The following MARCHF11 variants were observed in gnomAD, a reference collection of about 807,000 sequenced individuals.
MARCHF11 encodes membrane associated ring-CH-type finger 11, also known as E3 ubiquitin-protein ligase MARCHF11.
MARCHF11 carries 29 observed loss-of-function variants against 37.3 expected under a neutral mutation model. That is an observed-to-expected ratio of 0.78 (90% CI 0.58 to 1.06). The LOEUF (loss-of-function observed/expected upper bound fraction) is 1.06. MARCHF11 is among the 50% of genes least tolerant of loss of function. MARCHF11 has a pLI of 0.00. For synonymous variants in MARCHF11, 233 were observed against 228.0 expected (o/e 1.02, Z -0.20); for missense variants, 482 against 533.4 (o/e 0.90, Z 0.95).
In MARCHF11 at chr5:16,067,742, C is replaced by T. The variant is rs1488229935; in HGVS notation, c.938G>A (p.Arg313Gln). ...AAVYRVFKRWRAVNLHWDVLN... is the reference protein window; with the variant it reads ...AAVYRVFKRWQAVNLHWDVLN... ...CACATCCCAGTGCAAATTCACAGCTCGCCAGCGCTTAAACACTCTGTAAAC... is the reference window on the plus strand; with the variant it reads ...CACATCCCAGTGCAAATTCACAGCTTGCCAGCGCTTAAACACTCTGTAAAC... Residue 313 changes from arginine (R) to glutamine (Q), a missense_variant, in exon 4 of 4, where the codon CGA becomes CAA. By Grantham distance (43) the Arg-to-Gln change is conservative. Transcript: ENST00000332432. The T allele has an allele frequency of 7.4e-6, 12 of 1,613,676 alleles. No homozygotes were observed. The highest frequency in any genetic ancestry group is 1.3e-5 in the African/African-American group (1 of 74,886).
intron 2 of MARCHF11, among the ~76,000 whole-genome samples, chr5:16,131,388 C>T (rs1479447985): frequency 6.6e-6 from 1 of 152,120 alleles, no homozygotes; most frequent in Non-Finnish European, 1.5e-5. Flanking sequence ...ATTATGGAAA[C>T]ATATTCAATC....
At chr5:16,151,186 C>T (rs1737880983) in intron 2 of MARCHF11, among the ~76,000 whole-genome samples, 1 of 151,990 alleles carries the variant, frequency 6.6e-6, no homozygotes, top group Non-Finnish European at 1.5e-5. Context: ...TGTGAAAAAT[C>T]TTTCCAAGTC....
intron 2 of MARCHF11, among the ~76,000 whole-genome samples, chr5:16,106,175 T>G (rs1388241490): frequency 6.6e-6 from 1 of 152,032 alleles, no homozygotes; most frequent in African/African-American, 2.4e-5. Flanking sequence ...AAGTCTGACA[T>G]GAGACCTTCC....
chr5:16,148,132 A>T (rs1468297691), intron 2 of MARCHF11, among the ~76,000 whole-genome samples: 1 of 152,112 alleles, frequency 6.6e-6, no homozygotes, highest in Non-Finnish European at 1.5e-5. Flanking sequence ...GCAATCTATA[A>T]CTTTCAACAG....
chr5:16,177,576 C>T (rs1023848855), intron 2 of MARCHF11, 150 bp downstream of exon 2: 1 of 546,118 alleles, frequency 1.8e-6, no homozygotes, highest in Non-Finnish European at 2.9e-6. Flanking sequence ...CTCAAAAACA[C>T]ATGTTTACAA....
At chr5:16,159,489 A>AATTC (rs909923804) in intron 2 of MARCHF11, among the ~76,000 whole-genome samples, 7 of 152,126 alleles carry the variant, frequency 4.6e-5, no homozygotes, top group African/African-American at 1.4e-4. Context: ...TTCTCTGTGC[A>AATTC]TCAAACCAAG....
chr5:16,119,566 CA>C (rs1203892620), intron 2 of MARCHF11, among the ~76,000 whole-genome samples: 1 of 151,760 alleles, frequency 6.6e-6, no homozygotes, highest in Non-Finnish European at 1.5e-5. Flanking sequence ...ACATGCTCCA[CA>C]AGGGATCTTT....
At chr5:16,099,948 G>A (rs1006419304) in intron 2 of MARCHF11, among the ~76,000 whole-genome samples, 4 of 152,246 alleles carry the variant, frequency 2.6e-5, no homozygotes, top group African/African-American at 2.4e-5. Context: ...GTTATTGTAT[G>A]GAATTTAGAA....
At chr5:16,096,110 C>A (rs1736863605) in intron 2 of MARCHF11, among the ~76,000 whole-genome samples, 1 of 152,158 alleles carries the variant, frequency 6.6e-6, no homozygotes, top group Non-Finnish European at 1.5e-5. Flanking sequence ...TCTCTGCTCT[C>A]ACTCCTTAAT....
At chr5:16,099,971 T>C (rs1483885082) in intron 2 of MARCHF11, among the ~76,000 whole-genome samples, 1 of 152,148 alleles carries the variant, frequency 6.6e-6, no homozygotes, top group Admixed American at 6.5e-5. Context: ...TCAATAAAAA[T>C]TCTCTTCCAG....
rs369822346 is a variant in MARCHF11 at position 16,154,604 on chromosome 5, AG to A, written c.693+23121del. ...CCAAGCTGCCACCTCCCAAAAAGGG[AG>A]GGGGGGGAGGAAACTTTGTAATGAT... is the stretch of plus-strand genomic sequence containing the variant. On this transcript the variant is annotated intron_variant, in intron 2 of 3. Transcript: ENST00000332432. Among the ~76,000 whole-genome samples, 143 of 151,246 alleles carry A rather than the reference AG, an allele frequency of 9.5e-4. No homozygotes were observed. The South Asian group carries it at 0.028, about 29-fold the overall frequency.
chr5:16,101,962 A>T (rs1736965471), intron 2 of MARCHF11, among the ~76,000 whole-genome samples: 1 of 152,238 alleles, frequency 6.6e-6, no homozygotes. Flanking sequence ...GGCTTCTCTT[A>T]GCTACAGGGA....
At chr5:16,139,223 G>A (rs956254730) in intron 2 of MARCHF11, among the ~76,000 whole-genome samples, 3 of 152,112 alleles carry the variant, frequency 2.0e-5, no homozygotes, top group African/African-American at 4.8e-5. Flanking sequence ...AATCATGGGG[G>A]TGGGTTTTTC....
chr5:16,119,259 A>T (rs1249233003), intron 2 of MARCHF11, among the ~76,000 whole-genome samples: 2 of 152,012 alleles, frequency 1.3e-5, no homozygotes, highest in African/African-American at 4.8e-5. Context: ...CCTGCTCGGG[A>T]GGCTGAGGCA....
intron 2 of MARCHF11, among the ~76,000 whole-genome samples, chr5:16,095,794 G>A (rs1736858563): frequency 6.6e-6 from 1 of 152,052 alleles, no homozygotes; most frequent in Admixed American, 6.6e-5. Flanking sequence ...TCAAATCCCA[G>A]ATAGCCGTGT....
intron 1 of MARCHF11, among the ~76,000 whole-genome samples, chr5:16,178,244 T>C (rs1298879342): frequency 6.6e-6 from 1 of 152,244 alleles, no homozygotes; most frequent in East Asian, 1.9e-4. Context: ...AAGAAACGCA[T>C]GGCATCCCAG....
At chr5:16,093,184 GAA>G (rs1736813466) in intron 2 of MARCHF11, among the ~76,000 whole-genome samples, 1 of 152,118 alleles carries the variant, frequency 6.6e-6, no homozygotes, top group South Asian at 2.1e-4. Context: ...CCGCATGTTC[GAA>G]ATGTGTATGC....
intron 2 of MARCHF11, among the ~76,000 whole-genome samples, chr5:16,131,986 C>T (rs1055687678): frequency 6.6e-6 from 1 of 152,166 alleles, no homozygotes; most frequent in Non-Finnish European, 1.5e-5. Context: ...GTGAAGAAGC[C>T]ACTGACTGCA....
At chr5:16,173,690 C>G (rs1184130159) in intron 2 of MARCHF11, among the ~76,000 whole-genome samples, 1 of 152,136 alleles carries the variant, frequency 6.6e-6, no homozygotes, top group Non-Finnish European at 1.5e-5. Context: ...ACTTTGGTGA[C>G]ACAATGAGAA....
Sources: gnomAD v4.1 joint callset for allele counts (sites outside exome capture counted in the v4.1 genomes callset) on GRCh38, gnomAD v4.1.1 for gene constraint, MANE v1.5 for transcripts, NCBI Gene and HGNC (gene_info 2026-07-23, HGNC 2026-07-21) for gene names.